TIMP3: variants seen among roughly 807,000 people sequenced by gnomAD.
TIMP3 encodes the protein metalloproteinase inhibitor 3.
TIMP3 carries 11 observed loss-of-function variants against 30.0 expected under a neutral mutation model. The observed-to-expected ratio is 0.37, with a 90% CI of 0.23 to 0.61. The LOEUF (loss-of-function observed/expected upper bound fraction) is 0.61. Among genes scored for constraint, TIMP3 ranks in the 20% least tolerant of loss-of-function variants. TIMP3 has a pLI of 0.70. For missense variants in TIMP3, 181 were observed against 276.8 expected (o/e 0.65, Z 2.45); for synonymous variants, 112 against 111.3 (o/e 1.01, Z -0.04).
At chr22:32,858,493 T>C (rs1260564057) in intron 4 of TIMP3, among the ~76,000 whole-genome samples, 1 of 152,066 alleles carries the variant, frequency 6.6e-6, no homozygotes, top group Non-Finnish European at 1.5e-5. Flanking sequence ...TCAAGTGGGC[T>C]CACCCTGGTA....
At chr22:32,851,014 G>T (rs1488650477) in intron 2 of TIMP3, among the ~76,000 whole-genome samples, 1 of 152,176 alleles carries the variant, frequency 6.6e-6, no homozygotes, top group Admixed American at 6.5e-5. Context: ...GTTATGTAAT[G>T]TCCAGAGTCA....
chr22:32,848,322 T>A (rs1004994442), intron 1 of TIMP3, among the ~76,000 whole-genome samples: 1 of 152,190 alleles, frequency 6.6e-6, no homozygotes, highest in Admixed American at 6.5e-5. Flanking sequence ...TTTCATAAGA[T>A]CTTTCGTTCA....
chr22:32,816,479 T>C lies in TIMP3; in HGVS notation c.121+14357T>C, dbSNP rs183542820. Among the ~76,000 whole-genome samples, 906 of 152,332 alleles carry C rather than the reference T, an allele frequency of 5.9e-3. 1 individual carries two copies. Among genetic ancestry groups the C allele is most frequent in the Non-Finnish European group, 8.4e-3 (570 of 68,036 alleles). ...TCTTCCTGCAGGCTGGAGACCTCTG[T>C]TACCTTTACTTCTCTACTTTTGTTG... On this transcript the variant is annotated intron_variant, in intron 1 of 4. Coordinates refer to ENST00000266085, the MANE Select transcript of TIMP3 (RefSeq NM_000362.5).
At chr22:32,831,159 T>C (rs956801403) in intron 1 of TIMP3, among the ~76,000 whole-genome samples, 2 of 152,158 alleles carry the variant, frequency 1.3e-5, no homozygotes, top group African/African-American at 4.8e-5. Flanking sequence ...GCCTCAAGCA[T>C]GTCCTTCAGG....
chr22:32,833,621 T>C (rs1396325507), intron 1 of TIMP3, among the ~76,000 whole-genome samples: 1 of 152,220 alleles, frequency 6.6e-6, no homozygotes, highest in Non-Finnish European at 1.5e-5. Context: ...TAGTTTAACA[T>C]GTCCTTCTGG....
At chr22:32,816,004 G>A (rs531859305) in intron 1 of TIMP3, among the ~76,000 whole-genome samples, 3 of 152,312 alleles carry the variant, frequency 2.0e-5, no homozygotes, top group African/African-American at 4.8e-5. Context: ...GAACAGGGAG[G>A]TTTTTGACCC....
At chr22:32,858,358 G>T (rs747086563) in intron 4 of TIMP3, among the ~76,000 whole-genome samples, 1 of 152,128 alleles carries the variant, frequency 6.6e-6, no homozygotes. Flanking sequence ...TGCTGTAATC[G>T]GCTGCCTCCA....
At chr22:32,826,758 C>T (rs1044906811) in intron 1 of TIMP3, among the ~76,000 whole-genome samples, 4 of 152,162 alleles carry the variant, frequency 2.6e-5, no homozygotes, top group Non-Finnish European at 4.4e-5. Flanking sequence ...GGCACCAGGG[C>T]GTCCACTATC....
At position 32,801,806 on chromosome 22, in the gene TIMP3, T is replaced by C; in HGVS notation, c.-196T>C. On this transcript the variant is annotated 5_prime_UTR_variant, in exon 1 of 5. Transcript: ENST00000266085. This position sits in a 1 kb window ranked among gnomAD's most constrained non-coding sequence, Gnocchi z 4.7. ...CGCCGGGAGGCCGCCCGCCGAGTCC[T>C]GCGCCAGCGCCGAGGCAGCCTCGCT... 3 of 514,430 alleles carry C rather than the reference T, an allele frequency of 5.8e-6. No individual in the cohort carries two copies. The highest frequency in any genetic ancestry group is 8.2e-6 in the Non-Finnish European group (3 of 363,808). The allele number at this position is 514,430 out of a possible 1,614,324, so 31.9% of individuals were successfully genotyped here. A position where few individuals can be genotyped will look rare whatever the true frequency, so the allele number is the denominator to read the frequency against.
At chr22:32,856,473 G>T (rs2048369764) in intron 2 of TIMP3, among the ~76,000 whole-genome samples, 2 of 152,236 alleles carry the variant, frequency 1.3e-5, no homozygotes, top group Admixed American at 6.5e-5. Context: ...GATTCCCTCA[G>T]ATCCAATGTC....
At chr22:32,849,693 A>G (rs1478550899) in intron 2 of TIMP3, among the ~76,000 whole-genome samples, 159 bp downstream of exon 2, 1 of 152,180 alleles carries the variant, frequency 6.6e-6, no homozygotes, top group African/African-American at 2.4e-5. Context: ...CTAAGGCTGC[A>G]TAAAGGGATG....
At chr22:32,858,514 C>T (rs558310211) in intron 4 of TIMP3, among the ~76,000 whole-genome samples, 1 of 152,208 alleles carries the variant, frequency 6.6e-6, no homozygotes, top group South Asian at 2.1e-4. Flanking sequence ...GCTGACTCAT[C>T]GCTAACCCCA....
At chr22:32,826,727 A>C (rs988830515) in intron 1 of TIMP3, among the ~76,000 whole-genome samples, 1 of 152,216 alleles carries the variant, frequency 6.6e-6, no homozygotes, top group African/African-American at 2.4e-5. Flanking sequence ...ACGTGTCTTC[A>C]GATTCTGCAA....
chr22:32,814,324 A>AAAGAAAGAAAGAAAGAAAGGAAGAAAGG lies in TIMP3; in HGVS notation c.121+12218_121+12219insAAGGAAGAAAGGAAGAAAGAAAGAAAGA, dbSNP rs143987389. ...AGGAGAGAGAGAGAGAGACAGAAAG[A>AAAGAAAGAAAGAAAGAAAGGAAGAAAGG]AAGAAAGAAAGAAAGAGAAAGAAAG... On this transcript the variant is annotated intron_variant, in intron 1 of 4. Coordinates refer to ENST00000266085, the MANE Select transcript of TIMP3 (RefSeq NM_000362.5). 8.0e-4 allele frequency among the ~76,000 whole-genome samples: 53 copies of AAAGAAAGAAAGAAAGAAAGGAAGAAAGG among 65,942 alleles called. 1 individual carries two copies. The highest frequency in any genetic ancestry group is 6.4e-3 in the East Asian group (13 of 2,016). The allele number at this position is 65,942 out of a possible 152,430, so 43.3% of individuals were successfully genotyped here.
Position 32,859,630 on chromosome 22 carries a change from G to C in TIMP3, c.*253G>C, listed in dbSNP as rs1319089758. On this transcript the variant is annotated 3_prime_UTR_variant, in exon 5 of 5. Coordinates refer to ENST00000266085, the MANE Select transcript of TIMP3 (RefSeq NM_000362.5). ...GGAATTTCTGGTGCCATGCCAGAAA[G>C]AATGAGGAACCTGTATTCCTCTTCT... 8 of 528,320 alleles carry C rather than the reference G, an allele frequency of 1.5e-5. No individual in the cohort carries two copies. The highest frequency in any genetic ancestry group is 2.7e-5 in the Non-Finnish European group (8 of 299,414). The allele number at this position is 528,320 out of a possible 1,614,324, so 32.7% of individuals were successfully genotyped here. A position where few individuals can be genotyped will look rare whatever the true frequency, so the allele number is the denominator to read the frequency against.
intron 1 of TIMP3, among the ~76,000 whole-genome samples, chr22:32,848,599 G>A (rs2048134217): frequency 6.6e-6 from 1 of 152,182 alleles, no homozygotes; most frequent in Non-Finnish European, 1.5e-5. Flanking sequence ...TGATGATAAT[G>A]ATGATGATAT....
At chr22:32,854,215 C>T (rs540722303) in intron 2 of TIMP3, among the ~76,000 whole-genome samples, 9 of 152,262 alleles carry the variant, frequency 5.9e-5, no homozygotes, top group African/African-American at 2.2e-4. Context: ...TCAGAATTGA[C>T]CCTAAAACAC....
intron 1 of TIMP3, among the ~76,000 whole-genome samples, chr22:32,827,599 C>G (rs1167732825): frequency 6.8e-5 from 1 of 14,748 alleles, no homozygotes; most frequent in Non-Finnish European, 1.2e-4. Context: ...AACTCCCTTG[C>G]TTTTACAAGC....
In TIMP3 at chr22:32,801,936, C is replaced by G. The variant is rs933592699; in HGVS notation, c.-66C>G. On this transcript the variant is annotated 5_prime_UTR_variant, in exon 1 of 5. Transcript: ENST00000266085. The surrounding 1 kb of genome is among the most constrained non-coding windows in gnomAD (Gnocchi z 4.7). ...GCGAGCTCGGGCTGCAGCAGCCCCG[C>G]CGGCGGCGCGCACGGCAACTTTGGA... 6.6e-6 allele frequency: 10 copies of G among 1,520,638 alleles called. No individual in the cohort carries two copies. Among genetic ancestry groups the G allele is most frequent in the Non-Finnish European group, 8.8e-6 (10 of 1,141,638 alleles). 94.2% of individuals were successfully genotyped at this position (1,520,638 alleles called of 1,614,324 possible).
Sources: allele counts gnomAD v4.1 joint callset (sites outside exome capture counted in the v4.1 genomes callset), GRCh38; gene constraint gnomAD v4.1.1; non-coding constraint Gnocchi (gnomAD v3.1); transcripts MANE v1.5; gene names NCBI Gene and HGNC (gene_info 2026-07-23, HGNC 2026-07-21).